Variants in FPR3 observed in about 807,000 individuals in gnomAD.
FPR3 encodes the protein N-formyl peptide receptor 3.
For synonymous variants in FPR3, 135 were observed against 163.6 expected (o/e 0.83, Z 1.34); for missense variants, 346 against 443.2 (o/e 0.78, Z 1.97).
chr19:51,816,198 T>G (rs1407201605), intron 1 of FPR3, among the ~76,000 whole-genome samples: 2 of 152,202 alleles, frequency 1.3e-5, no homozygotes, highest in African/African-American at 2.4e-5. Flanking sequence ...ACCTCTCCCT[T>G]GCTATATACT....
chr19:51,812,187 T>C (rs1187551931), intron 1 of FPR3, among the ~76,000 whole-genome samples: 3 of 152,200 alleles, frequency 2.0e-5, no homozygotes, highest in Non-Finnish European at 2.9e-5. Context: ...ATTGGCTTGA[T>C]AAAATGGGAT....
intron 1 of FPR3, among the ~76,000 whole-genome samples, chr19:51,800,266 T>C (rs2084020774): frequency 6.6e-6 from 1 of 152,170 alleles, no homozygotes; most frequent in Admixed American, 6.5e-5. Context: ...CGGGTCACCC[T>C]GGAAAGAAAA....
chr19:51,824,883 T>C lies in FPR3; in HGVS notation c.*73T>C. ...GGAAAAAAAAAATTCTGACAGTGTT[T>C]TTCTTCCTCTTTCATACCACCACCA... is the stretch of plus-strand genomic sequence containing the variant. On this transcript the variant is annotated 3_prime_UTR_variant, in exon 2 of 2. Transcript: ENST00000339223. The surrounding 1 kb of genome is among the most constrained non-coding windows in gnomAD (Gnocchi z 4.7). 1 of 1,135,342 alleles carries C rather than the reference T, an allele frequency of 8.8e-7. No homozygotes were observed. Among genetic ancestry groups the C allele is most frequent in the Non-Finnish European group, 1.2e-6 (1 of 805,418 alleles). The allele number at this position is 1,135,342 out of a possible 1,614,324, so 70.3% of individuals were successfully genotyped here. A position where few individuals can be genotyped will look rare whatever the true frequency, so the allele number is the denominator to read the frequency against.
chr19:51,812,409 T>A (rs1440913744), intron 1 of FPR3, among the ~76,000 whole-genome samples: 1 of 152,196 alleles, frequency 6.6e-6, no homozygotes, highest in Non-Finnish European at 1.5e-5. Flanking sequence ...ACTACAGCAC[T>A]AAGGCTGTAG....
intron 1 of FPR3, among the ~76,000 whole-genome samples, chr19:51,822,256 T>G (rs562003570): frequency 4.6e-5 from 7 of 152,296 alleles, no homozygotes; most frequent in Admixed American, 1.3e-4. Flanking sequence ...TTGCCCAGAA[T>G]TTAGTCATGT....
intron 1 of FPR3, among the ~76,000 whole-genome samples, chr19:51,812,830 A>G (rs562599995): frequency 6.3e-4 from 96 of 152,308 alleles, no homozygotes; most frequent in African/African-American, 2.1e-3. Context: ...TGTAAACAAC[A>G]TAAATTTAGG....
intron 1 of FPR3, among the ~76,000 whole-genome samples, chr19:51,821,213 C>T (rs964911240): frequency 5.3e-5 from 8 of 152,142 alleles, no homozygotes; most frequent in African/African-American, 1.9e-4. Flanking sequence ...AAAACTGAGG[C>T]TCAAAGAGAT....
intron 1 of FPR3, among the ~76,000 whole-genome samples, chr19:51,812,108 A>T (rs1253321983): frequency 6.6e-6 from 1 of 152,228 alleles, no homozygotes; most frequent in Non-Finnish European, 1.5e-5. Flanking sequence ...TTGCTCTAAA[A>T]CAGAATATGT....
intron 1 of FPR3, among the ~76,000 whole-genome samples, chr19:51,801,740 T>C (rs760112511): frequency 1.3e-5 from 2 of 152,342 alleles, no homozygotes; most frequent in Middle Eastern, 6.8e-3. Flanking sequence ...GAGATTGTGC[T>C]ACTGCACTCC....
intron 1 of FPR3, among the ~76,000 whole-genome samples, chr19:51,809,961 A>T (rs1353861731): frequency 6.6e-6 from 1 of 152,006 alleles, no homozygotes; most frequent in African/African-American, 2.4e-5. Flanking sequence ...ATTCTGATGA[A>T]ATTTTGAGCG....
chr19:51,815,246 G>A (rs956879341), intron 1 of FPR3, among the ~76,000 whole-genome samples: 2 of 152,024 alleles, frequency 1.3e-5, no homozygotes, highest in Non-Finnish European at 2.9e-5. Flanking sequence ...AAGGGGAAGT[G>A]GGGACTGGAG....
intron 1 of FPR3, among the ~76,000 whole-genome samples, chr19:51,802,093 C>T (rs2084029218): frequency 6.6e-6 from 1 of 152,008 alleles, no homozygotes; most frequent in South Asian, 2.1e-4. Context: ...GAAGTTGAAA[C>T]AGCACCTTCA....
chr19:51,796,478 T>C (rs1001760533), intron 1 of FPR3, among the ~76,000 whole-genome samples: 2 of 152,184 alleles, frequency 1.3e-5, no homozygotes, highest in African/African-American at 2.4e-5. Flanking sequence ...GCTCATTTGG[T>C]TTCTGTCTGG....
chr19:51,806,259 G>A (rs2084058000), intron 1 of FPR3, among the ~76,000 whole-genome samples: 1 of 152,116 alleles, frequency 6.6e-6, no homozygotes, highest in Non-Finnish European at 1.5e-5. Flanking sequence ...CCATTCCAGG[G>A]TTGCAAGCAC....
intron 1 of FPR3, among the ~76,000 whole-genome samples, chr19:51,821,547 G>A (rs969404613): frequency 2.0e-5 from 3 of 152,110 alleles, no homozygotes; most frequent in African/African-American, 7.2e-5. Flanking sequence ...ATTAAACAAT[G>A]TCCCATGAAA....
rs1225799609 is a variant in FPR3 at position 51,825,821 on chromosome 19, G to A, written c.*1011G>A. ...GTCTGGACCTCAGCCTATATCCTGA[G>A]ACTAAGTGGAAGTGGGAAAAGAGTA... On this transcript the variant is annotated 3_prime_UTR_variant, in exon 2 of 2. Coordinates refer to ENST00000339223, the MANE Select transcript of FPR3 (RefSeq NM_002030.5). 2 of 167,100 alleles carry A rather than the reference G, an allele frequency of 1.2e-5. No individual in the cohort carries two copies. Among genetic ancestry groups the A allele is most frequent in the Non-Finnish European group, 1.5e-5 (1 of 68,126 alleles). 10.4% of individuals were successfully genotyped at this position (167,100 alleles called of 1,614,324 possible).
At chr19:51,810,626 G>A (rs1319684008) in intron 1 of FPR3, among the ~76,000 whole-genome samples, 1 of 152,166 alleles carries the variant, frequency 6.6e-6, no homozygotes, top group Non-Finnish European at 1.5e-5. Flanking sequence ...AGCCTGGTCT[G>A]CACACATTTC....
intron 1 of FPR3, among the ~76,000 whole-genome samples, chr19:51,822,363 C>A (rs1352462161): frequency 6.6e-6 from 1 of 152,122 alleles, no homozygotes; most frequent in Non-Finnish European, 1.5e-5. Context: ...GGAGGGATAC[C>A]TTCCCCCAAA....
chr19:51,796,211 G>A lies in FPR3; in HGVS notation c.-11+880G>A, dbSNP rs73934633. Among the ~76,000 whole-genome samples, 989 of 152,236 alleles carry A rather than the reference G, an allele frequency of 6.5e-3. 8 individuals carry two copies. The highest frequency in any genetic ancestry group is 0.022 in the African/African-American group (906 of 41,522). On this transcript the variant is annotated intron_variant, in intron 1 of 1. Coordinates refer to ENST00000339223, the MANE Select transcript of FPR3 (RefSeq NM_002030.5). ...GCAGGAAGCTCAAGACGAAGAGCAC[G>A]GTAGGCAGAAGGAATAGAGAAAGCA...
Sources: gnomAD v4.1 joint callset for allele counts (sites outside exome capture counted in the v4.1 genomes callset) on GRCh38, gnomAD v4.1.1 for gene constraint, Gnocchi (gnomAD v3.1) non-coding constraint, MANE v1.5 for transcripts, NCBI Gene and HGNC (gene_info 2026-07-23, HGNC 2026-07-21) for gene names.